Variants in TENM3 observed in about 807,000 individuals in gnomAD.
TENM3 encodes teneurin-3.
TENM3 carries 63 observed loss-of-function variants against 255.1 expected under a neutral mutation model. That is an observed-to-expected ratio of 0.25 (90% confidence interval 0.20 to 0.30). The LOEUF (loss-of-function observed/expected upper bound fraction) is 0.30, where lower values mean the gene tolerates loss of function less well. Ranked by LOEUF, TENM3 falls within the 10% of genes least tolerant of loss-of-function variation. TENM3 has a pLI of 1.00. For synonymous variants in TENM3, 1,306 were observed against 1,322.3 expected (o/e 0.99, Z 0.27); for missense variants, 2,929 against 3,461.1 (o/e 0.85, Z 3.86).
the TENM3 span, among the ~76,000 whole-genome samples, chr4:181,648,435 C>G: frequency 6.6e-6 from 1 of 151,750 alleles, no homozygotes. Context: ...GTTCAAATAC[C>G]AAAAAAAGTG....
intron 3 of TENM3, among the ~76,000 whole-genome samples, chr4:182,498,854 T>TAAAA (rs11413696): frequency 6.8e-6 from 1 of 147,258 alleles, no homozygotes; most frequent in Non-Finnish European, 1.5e-5. Context: ...AAACTCCATC[T>TAAAA]AAAAAAAAAA....
the TENM3 span, among the ~76,000 whole-genome samples, chr4:181,693,269 G>T: frequency 6.6e-6 from 1 of 152,286 alleles, no homozygotes; most frequent in Non-Finnish European, 1.5e-5. Flanking sequence ...ATGGGGTTGT[G>T]CCTATTGGAT....
the TENM3 span, among the ~76,000 whole-genome samples, chr4:181,684,644 T>A: frequency 6.6e-6 from 1 of 152,204 alleles, no homozygotes; most frequent in Admixed American, 6.5e-5. Context: ...TATAGACTGA[T>A]GTCAGTGATG....
chr4:181,462,390 C>A, the TENM3 span, among the ~76,000 whole-genome samples: 1 of 152,136 alleles, frequency 6.6e-6, no homozygotes, highest in Non-Finnish European at 1.5e-5. Context: ...GTGTTCTATA[C>A]CAGTAAGGTG....
chr4:182,275,947 A>G (rs1759970036), intron 1 of TENM3, among the ~76,000 whole-genome samples: 1 of 152,114 alleles, frequency 6.6e-6, no homozygotes, highest in Non-Finnish European at 1.5e-5. Flanking sequence ...CTCTTTTAAA[A>G]AATTATCAGT....
intron 1 of TENM3, among the ~76,000 whole-genome samples, chr4:182,154,278 T>C (rs985152934): frequency 3.3e-5 from 5 of 152,092 alleles, no homozygotes; most frequent in Non-Finnish European, 5.9e-5. Context: ...CGTTATTACT[T>C]TTAAAAGAAT....
At chr4:182,321,281 C>T (rs1343203856) in intron 1 of TENM3, among the ~76,000 whole-genome samples, 1 of 152,162 alleles carries the variant, frequency 6.6e-6, no homozygotes, top group Non-Finnish European at 1.5e-5. Context: ...GTCCTCAGCA[C>T]CTAGAAGGCA....
chr4:182,683,761 G>C (rs553654180), intron 11 of TENM3, among the ~76,000 whole-genome samples: 2 of 152,154 alleles, frequency 1.3e-5, no homozygotes, highest in Non-Finnish European at 2.9e-5. Flanking sequence ...ATAAGTCAGA[G>C]AGCATGAATT....
chr4:182,298,264 G>A (rs139862095), intron 1 of TENM3, among the ~76,000 whole-genome samples: 3,385 of 152,266 alleles, frequency 0.022, 55 homozygotes, highest in Non-Finnish European at 0.031. Flanking sequence ...AGCACCTCGT[G>A]CAGTGCCAGC....
At chr4:182,750,100 T>C (rs1762272011) in intron 19 of TENM3, among the ~76,000 whole-genome samples, 1 of 152,228 alleles carries the variant, frequency 6.6e-6, no homozygotes, top group Non-Finnish European at 1.5e-5. Flanking sequence ...TGCATTAAGA[T>C]TGTAGGCATC....
the TENM3 span, among the ~76,000 whole-genome samples, chr4:181,864,890 G>A: frequency 3.9e-5 from 6 of 152,112 alleles, 1 homozygote; most frequent in Admixed American, 6.6e-5. Flanking sequence ...AGCAAACCGC[G>A]TCTTTCATTA....
At chr4:181,799,814 T>C in the TENM3 span, among the ~76,000 whole-genome samples, 1 of 152,244 alleles carries the variant, frequency 6.6e-6, no homozygotes, top group Non-Finnish European at 1.5e-5. Context: ...ACTAGGTCTA[T>C]ACATTTTCCA....
chr4:182,387,838 C>T (rs759112994), intron 3 of TENM3, among the ~76,000 whole-genome samples: 2 of 151,806 alleles, frequency 1.3e-5, no homozygotes, highest in South Asian at 2.1e-4. Context: ...CTGTAACACT[C>T]ACTGTGAGGG....
At chr4:181,904,768 G>A in the TENM3 span, among the ~76,000 whole-genome samples, 15 of 152,286 alleles carry the variant, frequency 9.8e-5, no homozygotes, top group Non-Finnish European at 1.8e-4. Context: ...ATAGTGATAT[G>A]GTTTGGCTTT....
intron 1 of TENM3, among the ~76,000 whole-genome samples, chr4:182,163,946 C>T (rs1751527132): frequency 1.3e-5 from 2 of 152,172 alleles, no homozygotes; most frequent in African/African-American, 2.4e-5. Flanking sequence ...CATAGATTCC[C>T]ATGGCTTCAG....
intron 3 of TENM3, among the ~76,000 whole-genome samples, chr4:182,570,671 A>T (rs1744263962): frequency 6.6e-6 from 1 of 152,088 alleles, no homozygotes; most frequent in Non-Finnish European, 1.5e-5. Flanking sequence ...CATCTCTACT[A>T]AAAATACAAA....
chr4:182,218,714 T>C (rs1292733390), intron 1 of TENM3, among the ~76,000 whole-genome samples: 1 of 152,186 alleles, frequency 6.6e-6, no homozygotes, highest in Non-Finnish European at 1.5e-5. Context: ...GAAAGTGAAT[T>C]TAATCATTTC....
At chr4:182,020,925 A>C in the TENM3 span, among the ~76,000 whole-genome samples, 1 of 150,726 alleles carries the variant, frequency 6.6e-6, no homozygotes, top group Admixed American at 6.6e-5. Flanking sequence ...TATTATTGCT[A>C]TTTCTCCCTC....
At chr4:181,792,051 C>T in the TENM3 span, among the ~76,000 whole-genome samples, 5 of 152,092 alleles carry the variant, frequency 3.3e-5, no homozygotes, top group East Asian at 5.8e-4. Context: ...TCTGAGTTTC[C>T]GACTGCATTT....
Sources: allele counts gnomAD v4.1 joint callset (sites outside exome capture counted in the v4.1 genomes callset), GRCh38; gene constraint gnomAD v4.1.1; transcripts MANE v1.5; gene names NCBI Gene and HGNC (gene_info 2026-07-23, HGNC 2026-07-21).